INSR: variants seen among roughly 807,000 people sequenced by gnomAD.
The protein encoded by INSR is IR.
Under a neutral mutation model 142.6 loss-of-function variants are expected in INSR, and 67 were observed. The observed-to-expected ratio is 0.47, with a 90% confidence interval of 0.39 to 0.58. INSR has a LOEUF of 0.58. INSR is among the 20% of genes least tolerant of loss of function. INSR has a pLI of 0.00. For missense variants in INSR, 1,248 were observed against 1,833.2 expected (o/e 0.68, Z 5.83); for synonymous variants, 756 against 743.1 (o/e 1.02, Z -0.28).
At chr19:7,210,849 C>G (rs1975254315) in intron 2 of INSR, among the ~76,000 whole-genome samples, 1 of 152,028 alleles carries the variant, frequency 6.6e-6, no homozygotes, top group South Asian at 2.1e-4. Flanking sequence ...CCTGCCTCTG[C>G]CTCCCAAGTA....
chr19:7,155,025 A>T (rs567185210), intron 9 of INSR, among the ~76,000 whole-genome samples: 35 of 152,270 alleles, frequency 2.3e-4, no homozygotes, highest in African/African-American at 8.4e-4. Flanking sequence ...GTCTACAATA[A>T]ACTCATAAAT....
At chr19:7,123,027 C>A in intron 17 of INSR, 38 bp from the exon 18 acceptor site, 1 of 1,443,458 alleles carries the variant, frequency 6.9e-7, no homozygotes, top group Non-Finnish European at 9.5e-7. Flanking sequence ...GAGGAGGGTC[C>A]GTGATTCGAC....
chr19:7,238,843 T>C (rs1321519538), intron 2 of INSR, among the ~76,000 whole-genome samples: 1 of 151,566 alleles, frequency 6.6e-6, no homozygotes, highest in Non-Finnish European at 1.5e-5. Context: ...GCTTCCACTA[T>C]GTGTCCCCAA....
chr19:7,237,524 T>C (rs571105541), intron 2 of INSR, among the ~76,000 whole-genome samples: 21 of 138,416 alleles, frequency 1.5e-4, no homozygotes, highest in African/African-American at 5.1e-4. Flanking sequence ...CTCAAAAAAA[T>C]AAATAAATAG....
intron 13 of INSR, among the ~76,000 whole-genome samples, chr19:7,135,748 A>ACT (rs1298819454): frequency 1.6e-4 from 24 of 152,100 alleles, no homozygotes; most frequent in African/African-American, 5.5e-4. Flanking sequence ...AGGCGGGCAG[A>ACT]TCACGAGGTC....
intron 2 of INSR, among the ~76,000 whole-genome samples, chr19:7,211,838 T>C (rs1416932133): frequency 1.3e-5 from 2 of 149,432 alleles, no homozygotes; most frequent in African/African-American, 5.1e-5. Flanking sequence ...AATAGAGCTT[T>C]GGAGGGAATA....
intron 2 of INSR, among the ~76,000 whole-genome samples, chr19:7,226,278 C>T (rs899940872): frequency 3.3e-5 from 5 of 151,994 alleles, no homozygotes; most frequent in East Asian, 1.9e-4. Context: ...GGCATGGTGG[C>T]GTGTGCCTGT....
chr19:7,148,477 CTTT>C (rs71177160), intron 11 of INSR, among the ~76,000 whole-genome samples: 7 of 95,046 alleles, frequency 7.4e-5, no homozygotes, highest in Non-Finnish European at 7.4e-5. Context: ...TGTATTTATT[CTTT>C]TTTTTTTTTT....
intron 2 of INSR, among the ~76,000 whole-genome samples, chr19:7,223,866 A>G (rs919960476): frequency 2.0e-5 from 3 of 152,128 alleles, no homozygotes; most frequent in Non-Finnish European, 2.9e-5. Context: ...CAAAGCCCTC[A>G]ACCTGATGGA....
At chr19:7,176,058 C>T (rs570947862) in intron 3 of INSR, among the ~76,000 whole-genome samples, 5 of 152,090 alleles carry the variant, frequency 3.3e-5, no homozygotes, top group African/African-American at 4.8e-5. Context: ...CACACCATAT[C>T]CCATGGAGGC....
chr19:7,120,501 C>T, intron 20 of INSR, 119 bp downstream of exon 20: 1 of 1,216,462 alleles, frequency 8.2e-7, no homozygotes, highest in Non-Finnish European at 1.2e-6. Flanking sequence ...CAGGACGCTG[C>T]CTTCCTTTCC....
At chr19:7,176,115 T>C (rs1974129538) in intron 3 of INSR, among the ~76,000 whole-genome samples, 1 of 152,140 alleles carries the variant, frequency 6.6e-6, no homozygotes, top group Non-Finnish European at 1.5e-5. Flanking sequence ...ACTCATAGCA[T>C]TATCGTGGCG....
At chr19:7,253,436 C>T (rs1334168854) in intron 2 of INSR, among the ~76,000 whole-genome samples, 2 of 151,572 alleles carry the variant, frequency 1.3e-5, no homozygotes, top group African/African-American at 4.8e-5. Context: ...CGGGGTTTCA[C>T]CACGTTGGCC....
rs546723755 is a variant in INSR at position 7,287,044 on chromosome 19, C to T, written c.100+6748G>A. Among the ~76,000 whole-genome samples, 5 of 151,764 alleles carry T rather than the reference C, an allele frequency of 3.3e-5. No individual in the cohort carries two copies. The South Asian group carries it at 1.0e-3, about 32-fold the overall frequency. ...GTTTTATTGTTAGTGGAGACAGGGTCTTGCTGTGTTGTCCAGGCTGATCTG... is the reference window on the plus strand; with the variant it reads ...GTTTTATTGTTAGTGGAGACAGGGTTTTGCTGTGTTGTCCAGGCTGATCTG... On this transcript the variant is annotated intron_variant, in intron 1 of 21. Coordinates refer to ENST00000302850, the MANE Select transcript of INSR (RefSeq NM_000208.4).
In INSR at chr19:7,170,709, C is replaced by G; in HGVS notation, c.1311G>C (p.Gln437His). 3 of 1,614,066 alleles carry G rather than the reference C, an allele frequency of 1.9e-6. No individual in the cohort carries two copies. The highest frequency in any genetic ancestry group is 2.5e-6 in the Non-Finnish European group (3 of 1,179,994). Reference protein sequence around the residue: ...FYALDNQNLRQLWDWSKHNLT... With the variant: ...FYALDNQNLRHLWDWSKHNLT... ...GGTTGTGTTTGCTCCAGTCCCAGAGCTGCCTTAGGTTCTGGTTGTCCAAGG... is the reference window on the plus strand; with the variant it reads ...GGTTGTGTTTGCTCCAGTCCCAGAGGTGCCTTAGGTTCTGGTTGTCCAAGG... The change falls in exon 6 of 22, where the codon CAG becomes CAC. Residue 437 changes from glutamine (Q) to histidine (H), a missense_variant. Physicochemically the swap from Gln to His is conservative, Grantham distance 24 (BLOSUM62 0). Around this residue, in one of 3 missense-constraint regions of INSR, gnomAD observed 1,069 missense variants for 1,654.0 expected, o/e 0.65. Transcript: ENST00000302850.
Position 7,197,546 on chromosome 19 carries a change from TCAG to T in INSR, c.653-12912_653-12910del, listed in dbSNP as rs1568480330. The stretch of plus-strand genomic sequence containing the variant: ...GTGTGTGTGTGTGTGTGTGTGTGTG[TCAG>T]GTTCCAGAGTGGGAGTGTGTGTGTT... On this transcript the variant is annotated intron_variant, in intron 2 of 21. Transcript: ENST00000302850. 2.1e-3 allele frequency among the ~76,000 whole-genome samples: 241 copies of T among 113,450 alleles called. 2 individuals carry two copies. Among genetic ancestry groups the T allele is most frequent in the Non-Finnish European group, 2.3e-3 (125 of 54,448 alleles). 74.4% of individuals were successfully genotyped at this position (113,450 alleles called of 152,430 possible). A position where few individuals can be genotyped will look rare whatever the true frequency, so the allele number is the denominator to read the frequency against.
chr19:7,210,215 T>G (rs1250684515), intron 2 of INSR, among the ~76,000 whole-genome samples: 1 of 151,574 alleles, frequency 6.6e-6, no homozygotes, highest in Non-Finnish European at 1.5e-5. Context: ...TGTGGTGGTG[T>G]GTGACTGTAA....
intron 2 of INSR, among the ~76,000 whole-genome samples, chr19:7,250,550 G>A (rs1976691977): frequency 6.9e-6 from 1 of 144,318 alleles, no homozygotes; most frequent in South Asian, 2.4e-4. Context: ...AAGGAAGGAA[G>A]GGAGGAAATA....
At chr19:7,161,009 A>G (rs570612611) in intron 9 of INSR, among the ~76,000 whole-genome samples, 124 of 149,986 alleles carry the variant, frequency 8.3e-4, no homozygotes, top group African/African-American at 2.8e-3. Context: ...AAAAAAAAAA[A>G]AGAAAATAAT....
Sources: allele counts gnomAD v4.1 joint callset (sites outside exome capture counted in the v4.1 genomes callset), GRCh38; gene constraint gnomAD v4.1.1; regional missense constraint gnomAD v4.1.1; transcripts MANE v1.5; gene names NCBI Gene and HGNC (gene_info 2026-07-23, HGNC 2026-07-21).